Variants in RALYL observed in about 807,000 individuals in gnomAD.
RALYL encodes RALY RNA binding protein like.
RALYL carries 29 observed loss-of-function variants against 35.1 expected under a neutral mutation model. The ratio of observed to expected loss-of-function variants is 0.83; its 90% CI spans 0.61 to 1.13. RALYL has a LOEUF of 1.13. Ranked by LOEUF, RALYL falls within the 50% of genes most tolerant of loss-of-function variation. The pLI is 0.00. For missense variants in RALYL, 359 were observed against 360.4 expected (o/e 1.00, Z 0.03); for synonymous variants, 120 against 127.6 (o/e 0.94, Z 0.40).
Position 84,647,313 on chromosome 8 carries a change from G to A in RALYL, c.256+117736G>A, listed in dbSNP as rs146914114. Among the ~76,000 whole-genome samples, 530 of 152,146 alleles carry A rather than the reference G, an allele frequency of 3.5e-3. 1 individual carries two copies. The highest frequency in any genetic ancestry group is 5.0e-3 in the Non-Finnish European group (341 of 67,978). On this transcript the variant is annotated intron_variant, in intron 2 of 8. Coordinates refer to ENST00000521268, the MANE Select transcript of RALYL (RefSeq NM_173848.7). ...GTGTAAGCATCTCTGGCATGTTTGC[G>A]GAACAGAAATGAGGGGAGCTGGACT...
intron 1 of RALYL, among the ~76,000 whole-genome samples, chr8:84,446,028 A>G (rs1021036349): frequency 1.3e-5 from 2 of 152,004 alleles, no homozygotes; most frequent in African/African-American, 4.8e-5. Flanking sequence ...ACAGGAAATG[A>G]CAAATTTAGA....
intron 1 of RALYL, 101 bp from the exon 2 acceptor site, chr8:84,529,198 G>A: frequency 1.7e-6 from 2 of 1,207,676 alleles, no homozygotes; most frequent in South Asian, 1.6e-5. Context: ...GAGGTTTCCT[G>A]AGTGTAATAT....
intron 1 of RALYL, among the ~76,000 whole-genome samples, chr8:84,355,528 T>G (rs949648637): frequency 5.3e-5 from 8 of 150,414 alleles, no homozygotes; most frequent in Non-Finnish European, 1.0e-4. Flanking sequence ...AGTTTAAAAT[T>G]TTGTTTTTGA....
chr8:84,263,493 C>T (rs1832689265), intron 1 of RALYL, among the ~76,000 whole-genome samples: 1 of 152,076 alleles, frequency 6.6e-6, no homozygotes, highest in Admixed American at 6.5e-5. Context: ...ATGCAAATTC[C>T]CTCATTCTGA....
rs1184933195 is a variant in RALYL, at chr8:84,921,689, T to C, written c.*778T>C. 1 of 152,206 alleles carries C rather than the reference T, an allele frequency of 6.6e-6. No homozygotes were observed. The highest frequency in any genetic ancestry group is 2.4e-5 in the African/African-American group (1 of 41,458). 9.4% of individuals were successfully genotyped at this position (152,206 alleles called of 1,614,324 possible). On this transcript the variant is annotated 3_prime_UTR_variant, in exon 9 of 9. Coordinates refer to ENST00000521268, the MANE Select transcript of RALYL (RefSeq NM_173848.7). ...GCATACATCATGTCATTTCACCTCCTGTTCCTAGGAACTCTCCATTCCCAA... is the reference window on the plus strand; with the variant it reads ...GCATACATCATGTCATTTCACCTCCCGTTCCTAGGAACTCTCCATTCCCAA...
intron 1 of RALYL, among the ~76,000 whole-genome samples, chr8:84,401,703 A>G (rs1205716228): frequency 2.7e-5 from 4 of 147,340 alleles, no homozygotes; most frequent in African/African-American, 9.9e-5. Context: ...CCAGTTAGGG[A>G]TATTGTTAAA....
chr8:84,422,427 A>T (rs935540973), intron 1 of RALYL, among the ~76,000 whole-genome samples: 3 of 130,344 alleles, frequency 2.3e-5, no homozygotes, highest in Admixed American at 8.0e-5. Context: ...TGTCTATTTG[A>T]TTCTTCTCTC....
chr8:84,624,743 G>T (rs1822352991), intron 2 of RALYL, among the ~76,000 whole-genome samples: 1 of 152,162 alleles, frequency 6.6e-6, no homozygotes, highest in Non-Finnish European at 1.5e-5. Flanking sequence ...CTTGTTTTAG[G>T]TTTAAATCTT....
chr8:84,458,911 T>C (rs1342797921), intron 1 of RALYL, among the ~76,000 whole-genome samples: 1 of 151,770 alleles, frequency 6.6e-6, no homozygotes, highest in Non-Finnish European at 1.5e-5. Flanking sequence ...AGATGAAGTA[T>C]GTATGTACTT....
At chr8:84,550,868 A>T (rs2060671902) in intron 2 of RALYL, among the ~76,000 whole-genome samples, 1 of 152,006 alleles carries the variant, frequency 6.6e-6, no homozygotes, top group Non-Finnish European at 1.5e-5. Context: ...ATCACCATGG[A>T]AACAGAAATT....
At chr8:84,740,243 T>C (rs1016120503) in intron 2 of RALYL, among the ~76,000 whole-genome samples, 2 of 151,944 alleles carry the variant, frequency 1.3e-5, no homozygotes, top group African/African-American at 2.4e-5. Context: ...TCTAGATTCA[T>C]CCACTGGGAG....
chr8:84,311,143 A>T (rs1842750886), intron 1 of RALYL, among the ~76,000 whole-genome samples: 1 of 141,016 alleles, frequency 7.1e-6, no homozygotes, highest in Non-Finnish European at 1.5e-5. Flanking sequence ...TATGGTTATT[A>T]TGTATAATCA....
chr8:84,646,778 A>G (rs1241551644), intron 2 of RALYL, among the ~76,000 whole-genome samples: 1 of 151,772 alleles, frequency 6.6e-6, no homozygotes, highest in African/African-American at 2.4e-5. Context: ...CCTTCCATCT[A>G]CTGTCAATAA....
intron 2 of RALYL, among the ~76,000 whole-genome samples, chr8:84,771,630 C>T (rs1169227650): frequency 6.6e-6 from 1 of 152,026 alleles, no homozygotes; most frequent in African/African-American, 2.4e-5. Context: ...GCATTTCCCA[C>T]TACTAATGAG....
chr8:84,413,782 T>G (rs951434893), intron 1 of RALYL, among the ~76,000 whole-genome samples: 1 of 152,052 alleles, frequency 6.6e-6, no homozygotes, highest in African/African-American at 2.4e-5. Context: ...AGAATTAGTG[T>G]TACGATAGGC....
chr8:84,572,472 T>C (rs1808245624), intron 2 of RALYL, among the ~76,000 whole-genome samples: 1 of 151,828 alleles, frequency 6.6e-6, no homozygotes, highest in Non-Finnish European at 1.5e-5. Flanking sequence ...TGAGTATTTC[T>C]TGTAGGGTTG....
intron 2 of RALYL, among the ~76,000 whole-genome samples, chr8:84,606,142 C>T (rs1327188709): frequency 1.3e-5 from 2 of 152,042 alleles, no homozygotes; most frequent in African/African-American, 2.4e-5. Flanking sequence ...TTGGTATTCC[C>T]CTATTCCTAT....
At chr8:84,397,233 CTACCTA>C (rs2042433917) in intron 1 of RALYL, among the ~76,000 whole-genome samples, 1 of 152,168 alleles carries the variant, frequency 6.6e-6, no homozygotes, top group Non-Finnish European at 1.5e-5. Flanking sequence ...GAGTGTACCA[CTACCTA>C]TACCTTAATT....
intron 2 of RALYL, among the ~76,000 whole-genome samples, chr8:84,552,451 T>C (rs1438245312): frequency 5.6e-5 from 8 of 143,672 alleles, no homozygotes; most frequent in Admixed American, 1.4e-4. Context: ...ATTAACTGGA[T>C]GACTCTGTCT....
Sources: allele counts gnomAD v4.1 joint callset (sites outside exome capture counted in the v4.1 genomes callset), GRCh38; gene constraint gnomAD v4.1.1; transcripts MANE v1.5; gene names NCBI Gene and HGNC (gene_info 2026-07-23, HGNC 2026-07-21).